Variants in PEG3 observed in about 807,000 individuals in gnomAD.
The protein encoded by PEG3 is paternally-expressed gene 3 protein.
Under a neutral mutation model 35.5 loss-of-function variants are expected in PEG3, and 23 were observed. The observed-to-expected ratio is 0.65, with a 90% CI of 0.47 to 0.92. The LOEUF is 0.92. Ranked by LOEUF, PEG3 falls within the 40% of genes least tolerant of loss-of-function variation. PEG3 has a pLI of 0.00. For missense variants in PEG3, 1,960 were observed against 1,985.3 expected, an observed-to-expected ratio of 0.99 and a Z score of 0.24; for synonymous variants, 707 against 697.0, an observed-to-expected ratio of 1.01 and a Z score of -0.23.
chr19:56,838,954 C>T (rs185515477), intron 1 of PEG3, among the ~76,000 whole-genome samples: 4 of 152,286 alleles, frequency 2.6e-5, no homozygotes, highest in Admixed American at 2.0e-4. Flanking sequence ...CCGCCCATGC[C>T]ACCTGCAGCC....
In PEG3 at chr19:56,817,849, G is replaced by C; in HGVS notation, c.773-14C>G. Reference sequence around the variant, plus strand: ...CAGCAAGCTGCACTCCTGGTCACAAGGACAATATGATGCCTCAAATTCAAG... The same window carrying C: ...CAGCAAGCTGCACTCCTGGTCACAACGACAATATGATGCCTCAAATTCAAG... On this transcript the variant is annotated splice_polypyrimidine_tract_variant and intron_variant, in intron 8 of 9. Coordinates refer to ENST00000326441, the MANE Select transcript of PEG3 (RefSeq NM_006210.3). The C allele has an allele frequency of 1.2e-6, 2 of 1,609,738 alleles. No individual in the cohort carries two copies. Among genetic ancestry groups the C allele is most frequent in the South Asian group, 2.2e-5 (2 of 90,744 alleles).
chr19:56,818,738 GT>G (rs1363758768), intron 7 of PEG3, 36 bp from the exon 8 acceptor site: 2 of 1,605,314 alleles, frequency 1.2e-6, no homozygotes. Flanking sequence ...AATGGAGTCT[GT>G]CCCCACCGAT....
Position 56,810,134 on chromosome 19 carries a change from C to A in PEG3, c.*3541G>T. ...GACACTATTACAGATAGAATGACCA[C>A]AACCATATTAACAAACCAAAAACCT... On this transcript the variant is annotated 3_prime_UTR_variant, in exon 10 of 10. Transcript: ENST00000326441. 1.0e-6 allele frequency: 1 copy of A among 968,430 alleles called. No homozygotes were observed. Among genetic ancestry groups the A allele is most frequent in the Non-Finnish European group, 1.2e-6 (1 of 814,474 alleles). The allele number at this position is 968,430 out of a possible 1,614,324, so 60.0% of individuals were successfully genotyped here. A position where few individuals can be genotyped will look rare whatever the true frequency, so the allele number is the denominator to read the frequency against.
In PEG3 at chr19:56,817,199, G is replaced by C. The variant is rs1280303504; in HGVS notation, c.1243C>G (p.Pro415Ala). Residue 415 changes from proline (P) to alanine (A), a missense_variant, in exon 10 of 10, where the codon CCC (proline) becomes GCC (alanine). Around this residue, in one of 5 missense-constraint regions of PEG3, gnomAD observed 613 missense variants for 577.1 expected, o/e 1.06. Coordinates refer to ENST00000326441, the MANE Select transcript of PEG3 (RefSeq NM_006210.3). Reference protein sequence around the residue: ...HDQKGCPRKKPFECGSEMRKA... With the variant: ...HDQKGCPRKKAFECGSEMRKA... ...CTCATCTCACTACCACATTCAAAGGGCTTCTTCCTGGGACAGCCTTTTTGA... is the reference window on the plus strand; with the variant it reads ...CTCATCTCACTACCACATTCAAAGGCCTTCTTCCTGGGACAGCCTTTTTGA... The C allele has an allele frequency of 2.5e-6, 4 of 1,614,166 alleles. No homozygotes were observed. The highest frequency in any genetic ancestry group is 3.4e-6 in the Non-Finnish European group (4 of 1,180,018).
At chr19:56,833,818 G>A (rs532528851) in intron 2 of PEG3, 2 of 152,812 alleles carry the variant, frequency 1.3e-5, no homozygotes, top group African/African-American at 4.8e-5. Flanking sequence ...ATTTTATATA[G>A]GAGCAAGGAG....
chr19:56,834,300 G>A (rs538394879), intron 2 of PEG3, among the ~76,000 whole-genome samples: 6 of 152,214 alleles, frequency 3.9e-5, no homozygotes, highest in Middle Eastern at 3.4e-3. Context: ...AGGGGCTTCC[G>A]ATATCTTGGT....
chr19:56,817,684 A>T (rs919925602), intron 9 of PEG3, 62 bp downstream of exon 9: 2 of 1,550,476 alleles, frequency 1.3e-6, no homozygotes, highest in Non-Finnish European at 8.9e-7. Context: ...CAAAGTGTAG[A>T]AGTTCCTTGA....
chr19:56,813,470 C>CA lies in PEG3; in HGVS notation c.*204dup. ...GTGCTATGGCTTTCCCACATGCAGA[C>CA]ACTGACATCTGAAGGGGAAAGCTTA... On this transcript the variant is annotated 3_prime_UTR_variant, in exon 10 of 10. Coordinates refer to ENST00000326441, the MANE Select transcript of PEG3 (RefSeq NM_006210.3). The CA allele has an allele frequency of 1.4e-6, 2 of 1,391,692 alleles. No homozygotes were observed. Among genetic ancestry groups the CA allele is most frequent in the Non-Finnish European group, 1.9e-6 (2 of 1,073,916 alleles). The allele number at this position is 1,391,692 out of a possible 1,614,324, so 86.2% of individuals were successfully genotyped here. A position where few individuals can be genotyped will look rare whatever the true frequency, so the allele number is the denominator to read the frequency against.
intron 1 of PEG3, among the ~76,000 whole-genome samples, chr19:56,837,668 C>G (rs2062322991): frequency 6.6e-6 from 1 of 152,308 alleles, no homozygotes; most frequent in East Asian, 1.9e-4. Flanking sequence ...CGCGGTCACT[C>G]AGGAAGGCTC....
In PEG3 at chr19:56,824,621, G is replaced by A. The variant is rs114825387; in HGVS notation, c.35C>T (p.Pro12Leu). Residue 12 changes from proline (P) to leucine (L), a missense_variant, in exon 4 of 10, where the codon CCT becomes CTT. By Grantham distance (98) the Pro-to-Leu change is moderately conservative (BLOSUM62 -3). Transcript: ENST00000326441. Reference protein sequence around the residue: ...LPPKHLSATKPKKSWAPNLYE... With the variant: ...LPPKHLSATKLKKSWAPNLYE... Reference sequence around the variant, plus strand: ...CAGATTTGGGGCCCAGGACTTCTTAGGTTTGGTGGCAGACAAGTGCTTTGG... The same window carrying A: ...CAGATTTGGGGCCCAGGACTTCTTAAGTTTGGTGGCAGACAAGTGCTTTGG... The A allele has an allele frequency of 3.4e-5, 54 of 1,606,162 alleles. No homozygotes were observed. In the African/African-American group the frequency reaches 6.7e-4, roughly 20 times the overall value.
intron 7 of PEG3, among the ~76,000 whole-genome samples, chr19:56,820,138 C>T (rs1027418972): frequency 6.6e-6 from 1 of 152,196 alleles, no homozygotes; most frequent in Non-Finnish European, 1.5e-5. Context: ...CATCTTAATG[C>T]ATACAAACTG....
At chr19:56,833,259 T>C (rs1047097481) in intron 2 of PEG3, 1 of 471,936 alleles carries the variant, frequency 2.1e-6, no homozygotes, top group African/African-American at 2.0e-5. Flanking sequence ...ATGGTGCACC[T>C]AGATTCAGCC....
intron 7 of PEG3, among the ~76,000 whole-genome samples, chr19:56,820,104 C>CT (rs1391905245): frequency 6.6e-6 from 1 of 152,192 alleles, no homozygotes; most frequent in Non-Finnish European, 1.5e-5. Flanking sequence ...TGGTTGTTCG[C>CT]TTTGTGTTTG....
chr19:56,838,400 G>A (rs1000626973), intron 1 of PEG3, among the ~76,000 whole-genome samples: 1 of 152,176 alleles, frequency 6.6e-6, no homozygotes, highest in Non-Finnish European at 1.5e-5. Context: ...GAGGCGGTGA[G>A]GGGCAGTGGA....
chr19:56,831,413 A>T (rs181951854), intron 2 of PEG3, among the ~76,000 whole-genome samples: 10 of 152,320 alleles, frequency 6.6e-5, no homozygotes, highest in Admixed American at 4.6e-4. Flanking sequence ...CTAATACCTC[A>T]GTGTTTGGTT....
intron 1 of PEG3, among the ~76,000 whole-genome samples, chr19:56,837,795 A>G (rs2062346733): frequency 6.6e-6 from 1 of 152,204 alleles, no homozygotes; most frequent in African/African-American, 2.4e-5. Flanking sequence ...GCTGTCACTC[A>G]AGATGGCGCC....
chr19:56,815,806 T>A lies in PEG3; in HGVS notation c.2636A>T (p.Glu879Val). The change falls in exon 10 of 10, where the codon GAG (glutamate) becomes GTG (valine). Residue 879 changes from glutamate (E) to valine (V), a missense_variant. By Grantham distance (121) the Glu-to-Val change is moderately radical (BLOSUM62 -2). Transcript: ENST00000326441. ...CTTACTGCCCCCTTCACAAGGGTTC[T>A]CTCTGGCAGGAATCTTCTGTCGCTT... Reference protein sequence around the residue: ...NDKRQKIPARENPCEGGSKNR... With the variant: ...NDKRQKIPARVNPCEGGSKNR... The A allele has an allele frequency of 6.2e-7, 1 of 1,613,634 alleles. No homozygotes were observed. Among genetic ancestry groups the A allele is most frequent in the Non-Finnish European group, 8.5e-7 (1 of 1,179,628 alleles).
chr19:56,832,790 T>C (rs2061697661), intron 2 of PEG3, among the ~76,000 whole-genome samples: 1 of 152,182 alleles, frequency 6.6e-6, no homozygotes, highest in Non-Finnish European at 1.5e-5. Flanking sequence ...TTCTTTACAC[T>C]AGATGTCTAA....
rs1019905817 is a variant in PEG3, at chr19:56,810,924, T to C, written c.*2751A>G. The stretch of plus-strand genomic sequence containing the variant: ...TAATACACTGTTATCAGGACATTAT[T>C]ATAGGGAACATTTGAAAAAATTAAA... On this transcript the variant is annotated 3_prime_UTR_variant, in exon 10 of 10. Coordinates refer to ENST00000326441, the MANE Select transcript of PEG3 (RefSeq NM_006210.3). 16 of 965,606 alleles carry C rather than the reference T, an allele frequency of 1.7e-5. No individual in the cohort carries two copies. The highest frequency in any genetic ancestry group is 2.0e-5 in the Non-Finnish European group (16 of 812,070). 59.8% of individuals were successfully genotyped at this position (965,606 alleles called of 1,614,324 possible).
Sources: allele counts gnomAD v4.1 joint callset (sites outside exome capture counted in the v4.1 genomes callset), GRCh38; gene constraint gnomAD v4.1.1; regional missense constraint gnomAD v4.1.1; transcripts MANE v1.5; gene names NCBI Gene and HGNC (gene_info 2026-07-23, HGNC 2026-07-21).